Variants in PCDHGB5 observed in about 807,000 individuals in gnomAD.
The protein encoded by PCDHGB5 is protocadherin gamma subfamily B, 5.
In PCDHGB5, 48 loss-of-function variants were observed where a neutral mutation model predicts 62.9. That is an observed-to-expected ratio of 0.76 (90% CI 0.61 to 0.97). The LOEUF (loss-of-function observed/expected upper bound fraction) is 0.97. PCDHGB5 is among the 50% of genes least tolerant of loss of function. The pLI, the probability that PCDHGB5 is intolerant of heterozygous loss-of-function variation, is 0.00. For missense variants in PCDHGB5, 1,118 were observed against 1,198.6 expected (o/e 0.93, Z 0.99); for synonymous variants, 474 against 511.2 (o/e 0.93, Z 0.98).
intron 1 of PCDHGB5, chr5:141,422,812 T>C: frequency 6.2e-7 from 1 of 1,614,206 alleles, no homozygotes; most frequent in South Asian, 1.1e-5. Context: ...GTTTCGAGAC[T>C]TAGAACTGAG....
At chr5:141,433,343 G>A (rs1591274674) in intron 1 of PCDHGB5, 1 of 630,308 alleles carries the variant, frequency 1.6e-6, no homozygotes, top group Admixed American at 3.0e-5. Flanking sequence ...ACAGGTGCAA[G>A]CCACCTACTG....
At chr5:141,464,279 C>CAA (rs373828487) in intron 1 of PCDHGB5, among the ~76,000 whole-genome samples, 8,568 of 137,664 alleles carry the variant, frequency 0.062, 499 homozygotes, top group African/African-American at 0.16. Context: ...AAAAAAAAAG[C>CAA]AAAAAAAAAA....
At chr5:141,508,029 A>C (rs941166006) in intron 3 of PCDHGB5, 10 of 152,264 alleles carry the variant, frequency 6.6e-5, no homozygotes, top group African/African-American at 2.4e-4. Flanking sequence ...TGCGGTTTGC[A>C]GCTCAGCCAG....
chr5:141,400,645 G>T, intron 1 of PCDHGB5, 121 bp downstream of exon 1: 1 of 1,239,756 alleles, frequency 8.1e-7, no homozygotes, highest in Non-Finnish European at 1.2e-6. Context: ...TGCTCAGAAA[G>T]CTGTCCTACC....
Position 141,432,039 on chromosome 5 carries a change from G to C in PCDHGB5, c.2397+31515G>C. ...AACATCACAGTGACCGCCACTGACC[G>C]GGGAACCCCGCCCCTATCCACGGAA... On this transcript the variant is annotated intron_variant, in intron 1 of 3. Transcript: ENST00000617380. This position sits in a 1 kb window ranked among gnomAD's most constrained non-coding sequence, Gnocchi z 6.0. 6.2e-7 allele frequency: 1 copy of C among 1,614,176 alleles called. No homozygotes were observed. Among genetic ancestry groups the C allele is most frequent in the Non-Finnish European group, 8.5e-7 (1 of 1,180,028 alleles).
At chr5:141,414,460 A>G in intron 1 of PCDHGB5, 1 of 1,613,922 alleles carries the variant, frequency 6.2e-7, no homozygotes, top group Non-Finnish European at 8.5e-7. Context: ...AGTGACAGCC[A>G]CAGATGGGGG....
chr5:141,464,068 C>A (rs2099075218), intron 1 of PCDHGB5, among the ~76,000 whole-genome samples: 1 of 152,036 alleles, frequency 6.6e-6, no homozygotes, highest in Admixed American at 6.6e-5. Flanking sequence ...AGTTCAAGGC[C>A]AGCCTGGCCA....
intron 3 of PCDHGB5, 133 bp downstream of exon 3, chr5:141,505,614 AC>A: frequency 6.6e-7 from 1 of 1,510,758 alleles, no homozygotes; most frequent in Non-Finnish European, 8.9e-7. Flanking sequence ...GTCTGAAAGG[AC>A]CCACAATTCC....
rs755177334 is a variant in PCDHGB5, at chr5:141,403,403, C to A, written c.2397+2879C>A. On this transcript the variant is annotated intron_variant, in intron 1 of 3. Coordinates refer to ENST00000617380, the MANE Select transcript of PCDHGB5 (RefSeq NM_018925.3). ...TAACGAAATCGCGGTTCCTGGAGCA[C>A]GTTATCCACTTCCAGAAGCTATTGA... 6.2e-6 allele frequency: 10 copies of A among 1,613,948 alleles called. 1 individual carries two copies. The South Asian group carries it at 1.1e-4, about 18-fold the overall frequency.
intron 1 of PCDHGB5, among the ~76,000 whole-genome samples, chr5:141,437,236 C>A (rs2154557405): frequency 6.6e-6 from 1 of 152,278 alleles, no homozygotes; most frequent in South Asian, 2.1e-4. Context: ...AAAATTATGT[C>A]AAGGACTTTC....
chr5:141,504,763 C>G (rs1057360921), intron 2 of PCDHGB5, among the ~76,000 whole-genome samples: 5 of 152,018 alleles, frequency 3.3e-5, no homozygotes, highest in African/African-American at 1.2e-4. Context: ...AATTTCTTCT[C>G]CCTGCTCCAG....
rs2093861747 is a variant in PCDHGB5, at chr5:141,399,670, G to A, written c.1543G>A (p.Ala515Thr). The stretch of plus-strand genomic sequence containing the variant: ...AAGTGGGGTGGTGTTCGCGCAGCGC[G>A]CCTTTGACTACGAGCAGCTGCGCAC... ...AQSGVVFAQR[A>T]FDYEQLRTFE... Residue 515 changes from alanine (A) to threonine (T), a missense_variant, in exon 1 of 4, where the codon GCC becomes ACC. Around this residue, in one of 2 missense-constraint regions of PCDHGB5, gnomAD observed 1,034 missense variants for 1,029.1 expected, o/e 1.00. Transcript: ENST00000617380. 6.2e-7 allele frequency: 1 copy of A among 1,613,610 alleles called. No homozygotes were observed. The highest frequency in any genetic ancestry group is 8.5e-7 in the Non-Finnish European group (1 of 1,179,874).
Position 141,422,497 on chromosome 5 carries a change from A to G in PCDHGB5, c.2397+21973A>G, listed in dbSNP as rs1257927470. 1.9e-6 allele frequency: 3 copies of G among 1,613,874 alleles called. No homozygotes were observed. In the African/African-American group the frequency reaches 4.0e-5, roughly 22 times the overall value. On this transcript the variant is annotated intron_variant, in intron 1 of 3. Transcript: ENST00000617380. Reference sequence around the variant, plus strand: ...GGTCCAGAGCTACAATATAACGTTGACAGCCACAGACCAGGGAAGCCCGCC... The same window carrying G: ...GGTCCAGAGCTACAATATAACGTTGGCAGCCACAGACCAGGGAAGCCCGCC...
intron 1 of PCDHGB5, chr5:141,417,729 G>T (rs1175282861): frequency 1.6e-5 from 22 of 1,376,276 alleles, no homozygotes; most frequent in African/African-American, 8.8e-5. Context: ...CGCAGACCTT[G>T]CCCAGCACAC....
intron 1 of PCDHGB5, chr5:141,414,421 A>C (rs1250470349): frequency 6.2e-7 from 1 of 1,613,894 alleles, no homozygotes; most frequent in East Asian, 2.2e-5. Context: ...AGCCCTTGAC[A>C]GGGAACAGGT....
rs115607451 is a variant in PCDHGB5, at chr5:141,508,636, A to C, written c.2546-2311A>C. Among the ~76,000 whole-genome samples, 998 of 151,746 alleles carry C rather than the reference A, an allele frequency of 6.6e-3. 12 individuals are homozygous for C. The highest frequency in any genetic ancestry group is 0.023 in the African/African-American group (958 of 41,372). ...ACGTGGGTGGGCCGAGCTTCTAGCT[A>C]CTCCGTCAGGCCCTTCCTGTCATTC... On this transcript the variant is annotated intron_variant, in intron 3 of 3. Transcript: ENST00000617380.
chr5:141,433,408 A>ATCTATCTATCT (rs1413347413), intron 1 of PCDHGB5, among the ~76,000 whole-genome samples: 6 of 127,280 alleles, frequency 4.7e-5, no homozygotes, highest in African/African-American at 1.8e-4. Context: ...TCTATCTATT[A>ATCTATCTATCT]CTTTCTTGTA....
chr5:141,494,021 G>C (rs1036188621), intron 1 of PCDHGB5, among the ~76,000 whole-genome samples: 2 of 152,158 alleles, frequency 1.3e-5, no homozygotes, highest in African/African-American at 2.4e-5. Context: ...CCCCTTGGGA[G>C]CCCTGGAGAC....
At chr5:141,449,471 G>T (rs1261821886) in intron 1 of PCDHGB5, among the ~76,000 whole-genome samples, 1 of 151,060 alleles carries the variant, frequency 6.6e-6, no homozygotes, top group African/African-American at 2.4e-5. Flanking sequence ...GCCAGGCCTG[G>T]TACCCCATGC....
Sources: gnomAD v4.1 joint callset for allele counts (sites outside exome capture counted in the v4.1 genomes callset) on GRCh38, gnomAD v4.1.1 for gene constraint, gnomAD v4.1.1 regional missense constraint, Gnocchi (gnomAD v3.1) non-coding constraint, MANE v1.5 for transcripts, NCBI Gene and HGNC (gene_info 2026-07-23, HGNC 2026-07-21) for gene names.